MCMBP: variants seen among roughly 807,000 people sequenced by gnomAD.
MCMBP encodes the protein mini-chromosome maintenance complex-binding protein.
A neutral mutation model predicts 81.3 loss-of-function variants in MCMBP; 31 were observed. The ratio of observed to expected loss-of-function variants is 0.38; its 90% confidence interval spans 0.29 to 0.51. MCMBP has a LOEUF of 0.51. MCMBP is among the 20% of genes least tolerant of loss of function. MCMBP has a pLI of 0.87. For missense variants in MCMBP, 645 were observed against 772.1 expected (o/e 0.84, Z 1.95); for synonymous variants, 267 against 275.9 (o/e 0.97, Z 0.32).
At chr10:119,837,098 C>T (rs1432107397) in intron 12 of MCMBP, 69 bp from the exon 13 acceptor site, 1 of 1,500,408 alleles carries the variant, frequency 6.7e-7, no homozygotes, top group Non-Finnish European at 9.1e-7. Context: ...TTTGCTGACA[C>T]CGATGATGAG....
intron 1 of MCMBP, among the ~76,000 whole-genome samples, chr10:119,861,648 G>T (rs530835439): frequency 6.6e-6 from 1 of 152,160 alleles, no homozygotes; most frequent in Non-Finnish European, 1.5e-5. Context: ...TGTAAAAGAC[G>T]TGAGAATACC....
At chr10:119,850,874 GTTTT>G (rs1284100421) in intron 6 of MCMBP, among the ~76,000 whole-genome samples, 1 of 130,542 alleles carries the variant, frequency 7.7e-6, no homozygotes. Context: ...TACAAGATCT[GTTTT>G]TTTTTTTTTT....
chr10:119,845,514 A>T (rs1476586839), intron 8 of MCMBP, among the ~76,000 whole-genome samples: 1 of 152,246 alleles, frequency 6.6e-6, no homozygotes, highest in Admixed American at 6.5e-5. Flanking sequence ...TTTTTGTAAA[A>T]AAATAAATAC....
chr10:119,834,806 G>A (rs1445995342), intron 14 of MCMBP, among the ~76,000 whole-genome samples: 1 of 137,034 alleles, frequency 7.3e-6, no homozygotes, highest in Non-Finnish European at 1.5e-5. Flanking sequence ...AGGCTGCAGT[G>A]AGCCATGATC....
intron 1 of MCMBP, among the ~76,000 whole-genome samples, chr10:119,863,490 G>C (rs1157933039): frequency 2.0e-5 from 3 of 152,078 alleles, no homozygotes; most frequent in African/African-American, 7.2e-5. Context: ...CCAGCACTTT[G>C]GGAGGCCGAG....
At chr10:119,844,565 C>G (rs1852555007) in intron 8 of MCMBP, among the ~76,000 whole-genome samples, 2 of 152,200 alleles carry the variant, frequency 1.3e-5, no homozygotes, top group African/African-American at 4.8e-5. Flanking sequence ...TGTCTGTGCT[C>G]TTAACCTCTG....
At chr10:119,841,280 A>C (rs570313928) in intron 10 of MCMBP, among the ~76,000 whole-genome samples, 1 of 152,374 alleles carries the variant, frequency 6.6e-6, no homozygotes, top group South Asian at 2.1e-4. Context: ...CAACATGTTC[A>C]TCTAAATGGA....
intron 1 of MCMBP, among the ~76,000 whole-genome samples, chr10:119,863,902 C>T (rs1193233091): frequency 6.6e-6 from 1 of 151,956 alleles, no homozygotes; most frequent in Non-Finnish European, 1.5e-5. Context: ...TGACCCCCTC[C>T]CACCCAACCA....
intron 8 of MCMBP, among the ~76,000 whole-genome samples, chr10:119,844,162 T>C (rs1252735829): frequency 1.3e-5 from 2 of 152,208 alleles, no homozygotes; most frequent in African/African-American, 4.8e-5. Context: ...CATTCATCTC[T>C]TATCTTGCTA....
intron 1 of MCMBP, among the ~76,000 whole-genome samples, chr10:119,869,913 T>C (rs1853607955): frequency 1.3e-5 from 2 of 152,222 alleles, no homozygotes; most frequent in South Asian, 4.1e-4. Context: ...GTTAGGAATA[T>C]GCTAGATCTG....
In MCMBP at chr10:119,831,408, T is replaced by G; in HGVS notation, c.*66A>C. 6.3e-7 allele frequency: 1 copy of G among 1,583,200 alleles called. No individual in the cohort carries two copies. Among genetic ancestry groups the G allele is most frequent in the East Asian group, 2.2e-5 (1 of 44,578 alleles). On this transcript the variant is annotated 3_prime_UTR_variant, in exon 16 of 16. Coordinates refer to ENST00000369077, the MANE Select transcript of MCMBP (RefSeq NM_001256378.2). ...TACCTATAAAACAATGTGGTATAAA[T>G]GAATATCTGAATTTTACAATTATGT...
intron 6 of MCMBP, among the ~76,000 whole-genome samples, chr10:119,851,646 T>C (rs948275381): frequency 4.6e-5 from 7 of 152,144 alleles, no homozygotes; most frequent in Admixed American, 2.6e-4. Flanking sequence ...CTGTCCAGGC[T>C]AGATGATAGA....
In MCMBP at chr10:119,832,008, T is replaced by C. The variant is rs770463206; in HGVS notation, c.1796+4A>G. On this transcript the variant is annotated splice_donor_region_variant and intron_variant, in intron 15 of 15. Transcript: ENST00000369077. Reference sequence around the variant, plus strand: ...AACAGCAATAATGGACGTGCGCCACTTACCGAGCCACCACGAGCAGCTGGT... The same window carrying C: ...AACAGCAATAATGGACGTGCGCCACCTACCGAGCCACCACGAGCAGCTGGT... 1.5e-5 allele frequency: 24 copies of C among 1,608,710 alleles called. No individual in the cohort carries two copies. Among genetic ancestry groups the C allele is most frequent in the Non-Finnish European group, 1.9e-5 (22 of 1,178,092 alleles).
At chr10:119,853,251 G>A in intron 5 of MCMBP, 57 bp from the exon 6 acceptor site, 1 of 1,534,932 alleles carries the variant, frequency 6.5e-7, no homozygotes, top group Non-Finnish European at 8.8e-7. Context: ...CTAAAGTTTT[G>A]CTAATTATAT....
At chr10:119,867,540 A>T (rs1413276644) in intron 1 of MCMBP, among the ~76,000 whole-genome samples, 1 of 152,142 alleles carries the variant, frequency 6.6e-6, no homozygotes, top group Non-Finnish European at 1.5e-5. Flanking sequence ...ATGGCCACAG[A>T]TGACTGATCC....
intron 14 of MCMBP, 27 bp from the exon 15 acceptor site, chr10:119,832,127 A>C: frequency 6.3e-7 from 1 of 1,594,696 alleles, no homozygotes; most frequent in Non-Finnish European, 8.6e-7. Context: ...AATGTAAATG[A>C]TGTGCATTTT....
rs1852028552 is a variant in MCMBP at position 119,831,365 on chromosome 10, CT to C, written c.*108del. The C allele has an allele frequency of 7.4e-7, 1 of 1,351,796 alleles. No homozygotes were observed. Among genetic ancestry groups the C allele is most frequent in the Middle Eastern group, 2.6e-4 (1 of 3,894 alleles). The allele number at this position is 1,351,796 out of a possible 1,614,324, so 83.7% of individuals were successfully genotyped here. A position where few individuals can be genotyped will look rare whatever the true frequency, so the allele number is the denominator to read the frequency against. On this transcript the variant is annotated 3_prime_UTR_variant, in exon 16 of 16. Coordinates refer to ENST00000369077, the MANE Select transcript of MCMBP (RefSeq NM_001256378.2). ...CCAGGCTTGATTTCAGGAAATGTCA[CT>C]GGTTTGTGATAGAAATTACCTATAA...
At chr10:119,842,697 C>T in intron 9 of MCMBP, 102 bp from the exon 10 acceptor site, 1 of 1,291,620 alleles carries the variant, frequency 7.7e-7, no homozygotes. Context: ...ATTCAGTCGA[C>T]AGTAGGTAAA....
At position 119,872,553 on chromosome 10, in the gene MCMBP, G is replaced by A; in HGVS notation, c.32C>T (p.Pro11Leu). The A allele has an allele frequency of 8.4e-7, 1 of 1,187,010 alleles. No homozygotes were observed. Among genetic ancestry groups the A allele is most frequent in the Non-Finnish European group, 1.1e-6 (1 of 951,850 alleles). The allele number at this position is 1,187,010 out of a possible 1,614,324, so 73.5% of individuals were successfully genotyped here. A position where few individuals can be genotyped will look rare whatever the true frequency, so the allele number is the denominator to read the frequency against. Residue 11 changes from proline (P) to leucine (L), a missense_variant, in exon 1 of 16, where the codon CCG becomes CTG. Pro to Leu is a moderately conservative substitution (Grantham distance 98). Coordinates refer to ENST00000369077, the MANE Select transcript of MCMBP (RefSeq NM_001256378.2). Reference protein sequence around the residue: MPCGEDWLSHPLGIVQGFFAQ... With the variant: MPCGEDWLSHLLGIVQGFFAQ... ...GAAGAATCCCTGCACGATTCCCAGC[G>A]GGTGGCTGAGCCAATCCTCCCCACA...
Sources: allele counts gnomAD v4.1 joint callset (sites outside exome capture counted in the v4.1 genomes callset), GRCh38; gene constraint gnomAD v4.1.1; transcripts MANE v1.5; gene names NCBI Gene and HGNC (gene_info 2026-07-23, HGNC 2026-07-21).